Variants in RGS3 observed in about 807,000 individuals in gnomAD.
RGS3 encodes the protein regulator of G protein signaling 3.
Under a neutral mutation model 132.6 loss-of-function variants are expected in RGS3, and 80 were observed. The ratio of observed to expected loss-of-function variants is 0.60; its 90% confidence interval spans 0.50 to 0.73. The LOEUF is 0.73. Ranked by LOEUF, RGS3 falls within the 30% of genes least tolerant of loss-of-function variation. The pLI is 0.00. For missense variants in RGS3, 1,382 were observed against 1,530.8 expected (o/e 0.90, Z 1.62); for synonymous variants, 598 against 620.6 (o/e 0.96, Z 0.54).
intron 19 of RGS3, among the ~76,000 whole-genome samples, chr9:113,574,501 C>T (rs573184027): frequency 6.3e-4 from 96 of 152,274 alleles, no homozygotes; most frequent in African/African-American, 2.1e-3. Flanking sequence ...CAGGCCCTGG[C>T]GCATGGCTGC....
chr9:113,548,102 A>G (rs1833189535), intron 19 of RGS3, among the ~76,000 whole-genome samples: 1 of 152,242 alleles, frequency 6.6e-6, no homozygotes, highest in African/African-American at 2.4e-5. Context: ...GAAACTTTGA[A>G]TGTGGAGCTG....
chr9:113,538,460 T>C (rs1322888935), intron 19 of RGS3, among the ~76,000 whole-genome samples: 3 of 152,164 alleles, frequency 2.0e-5, no homozygotes, highest in Non-Finnish European at 4.4e-5. Context: ...TGCCTCCTTT[T>C]CTGGGGGAAA....
At chr9:113,479,690 A>T (rs1452957633) in intron 4 of RGS3, 149 bp downstream of exon 2, 6 of 729,288 alleles carry the variant, frequency 8.2e-6, no homozygotes, top group Non-Finnish European at 1.4e-5. Flanking sequence ...AAAAGCCAGT[A>T]TTCACCTGGG....
chr9:113,447,321 ATG>A lies in RGS3; in HGVS notation c.-13+2396_-13+2397del, dbSNP rs1412197691. ...GGTGTAAACCAATAAATTCTGATGT[ATG>A]TATATGTATATATATATATATATAT... On this transcript the variant is annotated intron_variant, in intron 1 of 25. Coordinates refer to the RGS3 transcript ENST00000374140. Among the ~76,000 whole-genome samples the A allele has an allele frequency of 3.7e-3, 291 of 78,254 alleles. 4 individuals are homozygous for A. Among genetic ancestry groups the A allele is most frequent in the African/African-American group, 9.5e-3 (210 of 22,050 alleles). 51.3% of individuals were successfully genotyped at this position (78,254 alleles called of 152,430 possible).
intron 4 of RGS3, among the ~76,000 whole-genome samples, chr9:113,480,916 C>G (rs1214266271): frequency 1.3e-5 from 2 of 152,228 alleles, no homozygotes. Context: ...GTCTATCTCT[C>G]CAGCCTCCCT....
intron 19 of RGS3, among the ~76,000 whole-genome samples, chr9:113,544,391 G>A (rs1032881336): frequency 1.3e-5 from 2 of 150,340 alleles, no homozygotes; most frequent in Non-Finnish European, 3.0e-5. Context: ...GATCTCTGCT[G>A]GCCTGGGTCT....
chr9:113,534,244 AC>A (rs1244499897), intron 18 of RGS3, among the ~76,000 whole-genome samples: 1 of 152,140 alleles, frequency 6.6e-6, no homozygotes, highest in Non-Finnish European at 1.5e-5. Flanking sequence ...GCCCCTTCTT[AC>A]CGTTCATGCC....
chr9:113,480,736 A>G (rs1008548503), intron 4 of RGS3, among the ~76,000 whole-genome samples: 2 of 152,214 alleles, frequency 1.3e-5, no homozygotes, highest in African/African-American at 4.8e-5. Flanking sequence ...AGAGAGCAGG[A>G]TGCATTTGAA....
At chr9:113,553,454 AAAAAAATATATATATATATAT>A (rs1367718855) in intron 19 of RGS3, among the ~76,000 whole-genome samples, 4 of 106,828 alleles carry the variant, frequency 3.7e-5, no homozygotes, top group African/African-American at 1.6e-4. Flanking sequence ...AAAAAAAAAA[AAAAAAATATATATATATATAT>A]ATATATATAT....
chr9:113,580,653 G>C (rs1185987162), intron 19 of RGS3: 1 of 268,036 alleles, frequency 3.7e-6, no homozygotes, highest in South Asian at 1.4e-4. Flanking sequence ...CTTCCATCTT[G>C]GTTAGTTTCT....
At chr9:113,447,035 G>A (rs1829115905) in intron 1 of RGS3, among the ~76,000 whole-genome samples, 1 of 151,900 alleles carries the variant, frequency 6.6e-6, no homozygotes, top group Admixed American at 6.6e-5. Context: ...GCCGAGGTGG[G>A]TGGATCACGA....
Position 113,591,425 on chromosome 9 carries a change from C to G in RGS3, c.3080+28C>G. ...ACGTTGGGAAGATCCCTGGCTTCTG[C>G]GCTCCTCTTCCTCCCTTGCCCCAGG... is the stretch of plus-strand genomic sequence containing the variant. On this transcript the variant is annotated intron_variant, in intron 21 of 24. Transcript: ENST00000350696. This position sits in a 1 kb window ranked among gnomAD's most constrained non-coding sequence, Gnocchi z 4.4. 6.3e-7 allele frequency: 1 copy of G among 1,596,790 alleles called. No individual in the cohort carries two copies. The highest frequency in any genetic ancestry group is 8.6e-7 in the Non-Finnish European group (1 of 1,164,814).
chr9:113,495,971 G>A (rs1393411082), intron 8 of RGS3, 125 bp downstream of exon 6: 3 of 844,058 alleles, frequency 3.6e-6, no homozygotes, highest in African/African-American at 3.3e-5. Context: ...TGAGACAGGT[G>A]CCCTGTGGGG....
At chr9:113,558,858 C>T (rs919821401) in intron 19 of RGS3, among the ~76,000 whole-genome samples, 1 of 152,236 alleles carries the variant, frequency 6.6e-6, no homozygotes, top group Non-Finnish European at 1.5e-5. Context: ...AATCTTGCTA[C>T]CTATCTCACT....
Position 113,482,935 on chromosome 9 carries a change from A to T in RGS3, c.467-124A>T, listed in dbSNP as rs1438025733. 4.5e-6 allele frequency: 7 copies of T among 1,559,188 alleles called. No individual in the cohort carries two copies. The East Asian group carries it at 1.6e-4, about 36-fold the overall frequency. ...GGGGCCATAGCCCTGCTACTCACAG[A>T]TACGCTTTTCTTTTCAGGTCTCTTT... On this transcript the variant is annotated intron_variant, in intron 4 of 24. Transcript: ENST00000350696.
At chr9:113,569,467 G>A (rs1473012636) in intron 19 of RGS3, among the ~76,000 whole-genome samples, 2 of 152,146 alleles carry the variant, frequency 1.3e-5, no homozygotes, top group East Asian at 1.9e-4. Flanking sequence ...GTTCAGCCAG[G>A]CCATGAAATC....
chr9:113,580,106 C>T (rs1436459638), intron 19 of RGS3, among the ~76,000 whole-genome samples: 14 of 152,256 alleles, frequency 9.2e-5, no homozygotes, highest in Non-Finnish European at 1.6e-4. Flanking sequence ...CAAACCTGCA[C>T]GCAGTCCCTG....
intron 20 of RGS3, 115 bp downstream of exon 18, chr9:113,584,542 C>T: frequency 8.2e-7 from 1 of 1,212,198 alleles, no homozygotes; most frequent in East Asian, 2.6e-5. Context: ...TGGCAGCCTC[C>T]CAGCGAACTT....
chr9:113,466,037 G>A (rs963156185), intron 3 of RGS3, among the ~76,000 whole-genome samples: 6 of 152,184 alleles, frequency 3.9e-5, no homozygotes, highest in African/African-American at 1.4e-4. Flanking sequence ...CATGTGGGGA[G>A]CCTGTTAAAA....
Sources: allele counts gnomAD v4.1 joint callset (sites outside exome capture counted in the v4.1 genomes callset), GRCh38; gene constraint gnomAD v4.1.1; non-coding constraint Gnocchi (gnomAD v3.1); transcripts MANE v1.5; gene names NCBI Gene and HGNC (gene_info 2026-07-23, HGNC 2026-07-21).